Variants in CLVS1 observed in about 807,000 individuals in gnomAD.
CLVS1 encodes clavesin-1.
Under a neutral mutation model 33.1 loss-of-function variants are expected in CLVS1, and 10 were observed. The observed-to-expected ratio is 0.30, with a 90% CI of 0.19 to 0.51. The LOEUF is 0.51. Ranked by LOEUF, CLVS1 falls within the 20% of genes least tolerant of loss-of-function variation. The probability of loss-of-function intolerance (pLI) is 0.97; values close to 1 mark genes in which losing one functional copy is unlikely to be tolerated. For missense variants in CLVS1, 343 were observed against 433.4 expected (o/e 0.79, Z 1.85); for synonymous variants, 163 against 166.1 (o/e 0.98, Z 0.14).
At chr8:61,476,055 T>C (rs1387758464) in intron 5 of CLVS1, among the ~76,000 whole-genome samples, 1 of 152,216 alleles carries the variant, frequency 6.6e-6, no homozygotes, top group African/African-American at 2.4e-5. Context: ...AAATAGGGAA[T>C]CTTTTCCCCA....
At chr8:61,306,806 C>T (rs977399305) in intron 2 of CLVS1, among the ~76,000 whole-genome samples, 2 of 152,204 alleles carry the variant, frequency 1.3e-5, no homozygotes, top group Admixed American at 1.3e-4. Flanking sequence ...TCTTTGTCAG[C>T]ATCTACAAGA....
intron 2 of CLVS1, among the ~76,000 whole-genome samples, chr8:61,375,948 G>T (rs918137819): frequency 1.3e-5 from 2 of 152,154 alleles, no homozygotes; most frequent in Non-Finnish European, 1.5e-5. Flanking sequence ...TTGTATTCAG[G>T]TCTGCCTGTT....
intron 1 of CLVS1, among the ~76,000 whole-genome samples, chr8:61,113,872 C>T (rs925412796): frequency 3.9e-5 from 6 of 152,170 alleles, no homozygotes; most frequent in African/African-American, 1.4e-4. Flanking sequence ...CTCAGGCAAC[C>T]CTCCTCTTGC....
rs1448307791 is a variant in CLVS1, at chr8:61,287,977, A to G, written c.-313A>G. The G allele has an allele frequency of 5.1e-6, 2 of 393,978 alleles. No homozygotes were observed. Among genetic ancestry groups the G allele is most frequent in the South Asian group, 3.8e-5 (2 of 52,992 alleles). 24.4% of individuals were successfully genotyped at this position (393,978 alleles called of 1,614,324 possible). On this transcript the variant is annotated 5_prime_UTR_variant, in exon 1 of 6. Transcript: ENST00000325897. ...AGAGAATCGGGCGCACACGCCTCCT[A>G]CCAAAATCACAGCCCCTTGTGGAGC...
At chr8:61,467,267 T>C (rs1262430576) in intron 5 of CLVS1, among the ~76,000 whole-genome samples, 1 of 152,154 alleles carries the variant, frequency 6.6e-6, no homozygotes, top group Non-Finnish European at 1.5e-5. Context: ...GAAGGATAAG[T>C]GATGGCGGGT....
the CLVS1 span, among the ~76,000 whole-genome samples, chr8:60,969,438 T>A: frequency 6.6e-6 from 1 of 152,206 alleles, no homozygotes; most frequent in African/African-American, 2.4e-5. Flanking sequence ...TTCGGTATCT[T>A]ACTGCCACAA....
chr8:61,219,697 G>A (rs996331541), intron 2 of CLVS1, among the ~76,000 whole-genome samples: 1 of 152,106 alleles, frequency 6.6e-6, no homozygotes, highest in African/African-American at 2.4e-5. Flanking sequence ...TGATATTTCT[G>A]GTTCTAGATC....
At chr8:61,132,799 C>A (rs1433629846) in intron 2 of CLVS1, among the ~76,000 whole-genome samples, 1 of 152,192 alleles carries the variant, frequency 6.6e-6, no homozygotes, top group Non-Finnish European at 1.5e-5. Context: ...CAATGCCTGA[C>A]TCCCGTAAGT....
chr8:61,014,919 G>A, the CLVS1 span, among the ~76,000 whole-genome samples: 1 of 152,244 alleles, frequency 6.6e-6, no homozygotes, highest in Non-Finnish European at 1.5e-5. Flanking sequence ...CCAGGAGAGT[G>A]CCTTTCTAGA....
chr8:61,333,794 T>A lies in CLVS1; in HGVS notation c.455+33512T>A, dbSNP rs181538261. 1.0e-3 allele frequency among the ~76,000 whole-genome samples: 158 copies of A among 152,336 alleles called. 1 individual carries two copies. The highest frequency in any genetic ancestry group is 5.0e-3 in the East Asian group (26 of 5,190). ...GTCATGGGGGTGTCAGGTTATTTCA[T>A]CACCCAGGTATTAAGCCTAGTATCC... On this transcript the variant is annotated intron_variant, in intron 2 of 5. Transcript: ENST00000325897.
In CLVS1 at chr8:61,500,852, T is replaced by G. The variant is rs1417936910; in HGVS notation, c.*1310T>G. 1 of 152,210 alleles carries G rather than the reference T, an allele frequency of 6.6e-6. No individual in the cohort carries two copies. Among genetic ancestry groups the G allele is most frequent in the Non-Finnish European group, 1.5e-5 (1 of 68,038 alleles). The allele number at this position is 152,210 out of a possible 1,614,324, so 9.4% of individuals were successfully genotyped here. A position where few individuals can be genotyped will look rare whatever the true frequency, so the allele number is the denominator to read the frequency against. ...TATTTTAAATATTTGGGAGAGTTAATTTGTTAGCTAAATAATTCAAGGGAA... is the reference window on the plus strand; with the variant it reads ...TATTTTAAATATTTGGGAGAGTTAAGTTGTTAGCTAAATAATTCAAGGGAA... On this transcript the variant is annotated 3_prime_UTR_variant, in exon 6 of 6. Coordinates refer to ENST00000325897, the MANE Select transcript of CLVS1 (RefSeq NM_173519.3).
intron 5 of CLVS1, among the ~76,000 whole-genome samples, chr8:61,469,736 T>C (rs1485319610): frequency 6.6e-6 from 1 of 152,210 alleles, no homozygotes; most frequent in Non-Finnish European, 1.5e-5. Flanking sequence ...CGTTGTCTTC[T>C]GAGCAGCCAG....
intron 1 of CLVS1, among the ~76,000 whole-genome samples, chr8:61,101,991 T>C (rs919371917): frequency 4.6e-5 from 7 of 152,198 alleles, no homozygotes; most frequent in Admixed American, 3.9e-4. Context: ...TTTTGATTAA[T>C]GTAGCTTTGT....
chr8:61,395,359 G>A (rs1423697019), intron 3 of CLVS1, among the ~76,000 whole-genome samples: 1 of 152,180 alleles, frequency 6.6e-6, no homozygotes, highest in Non-Finnish European at 1.5e-5. Context: ...GTTTCAGCTA[G>A]ACTGGAGGAA....
intron 2 of CLVS1, among the ~76,000 whole-genome samples, chr8:61,360,597 A>G (rs1470676951): frequency 5.9e-5 from 9 of 152,242 alleles, no homozygotes; most frequent in Non-Finnish European, 5.9e-5. Context: ...CTGGAGCTAC[A>G]TAAATTCAGA....
chr8:61,238,146 G>C (rs1249413289), intron 2 of CLVS1, among the ~76,000 whole-genome samples: 1 of 152,168 alleles, frequency 6.6e-6, no homozygotes, highest in Non-Finnish European at 1.5e-5. Flanking sequence ...AAATAAAGAA[G>C]CTATGAGATC....
At chr8:61,222,457 A>G (rs1479228314) in intron 2 of CLVS1, among the ~76,000 whole-genome samples, 1 of 152,146 alleles carries the variant, frequency 6.6e-6, no homozygotes, top group East Asian at 1.9e-4. Flanking sequence ...TTTATTCAGG[A>G]GCAGGTTGTT....
chr8:61,492,395 A>G (rs535542957), intron 5 of CLVS1, among the ~76,000 whole-genome samples: 1 of 152,340 alleles, frequency 6.6e-6, no homozygotes, highest in African/African-American at 2.4e-5. Context: ...TTTACAGTCC[A>G]TCTTCATTCA....
At chr8:61,232,994 G>T (rs1808478716) in intron 2 of CLVS1, among the ~76,000 whole-genome samples, 1 of 151,998 alleles carries the variant, frequency 6.6e-6, no homozygotes, top group Non-Finnish European at 1.5e-5. Flanking sequence ...TTTAGTAGAG[G>T]GTAAAATATG....
Sources: allele counts gnomAD v4.1 joint callset (sites outside exome capture counted in the v4.1 genomes callset), GRCh38; gene constraint gnomAD v4.1.1; transcripts MANE v1.5; gene names NCBI Gene and HGNC (gene_info 2026-07-23, HGNC 2026-07-21).